The following MCC variants were observed in gnomAD, a reference collection of about 807,000 sequenced individuals.
MCC encodes the protein colorectal mutant cancer protein.
Under a neutral mutation model 116.2 loss-of-function variants are expected in MCC, and 90 were observed. That is an observed-to-expected ratio of 0.77 (90% CI 0.65 to 0.92). The LOEUF is 0.92. Among genes scored for constraint, MCC ranks in the 40% least tolerant of loss-of-function variants. The probability of loss-of-function intolerance (pLI) is 0.00; values close to 1 mark genes in which losing one functional copy is unlikely to be tolerated. For missense variants in MCC, 1,516 were observed against 1,312.2 expected (o/e 1.16, Z -2.40); for synonymous variants, 578 against 510.5 (o/e 1.13, Z -1.78).
chr5:113,094,971 C>G (rs538555801), intron 8 of MCC, among the ~76,000 whole-genome samples: 1 of 152,266 alleles, frequency 6.6e-6, no homozygotes, highest in South Asian at 2.1e-4. Context: ...GGATTCTCTG[C>G]CTTGGATTCC....
At chr5:113,385,884 C>G (rs1028565365) in intron 1 of MCC, among the ~76,000 whole-genome samples, 7 of 151,980 alleles carry the variant, frequency 4.6e-5, no homozygotes, top group African/African-American at 1.7e-4. Flanking sequence ...GTGGATAGAT[C>G]TAAGATAAGA....
chr5:113,195,865 C>G (rs183476132), intron 3 of MCC, among the ~76,000 whole-genome samples: 343 of 152,300 alleles, frequency 2.3e-3, no homozygotes, highest in African/African-American at 7.7e-3. Flanking sequence ...CGCCTCCTCT[C>G]TCTCAGCTCC....
At chr5:113,213,854 G>C (rs535137265) in intron 3 of MCC, among the ~76,000 whole-genome samples, 1 of 152,160 alleles carries the variant, frequency 6.6e-6, no homozygotes, top group African/African-American at 2.4e-5. Flanking sequence ...TACTTTGTCC[G>C]AAAGAGGACA....
intron 1 of MCC, among the ~76,000 whole-genome samples, chr5:113,422,391 T>C (rs1438625410): frequency 1.3e-5 from 2 of 152,212 alleles, no homozygotes; most frequent in African/African-American, 4.8e-5. Context: ...GTTGTTCATG[T>C]AATTTATTTG....
chr5:113,104,430 A>G (rs1756615562), intron 6 of MCC, 75 bp from the exon 7 acceptor site: 1 of 1,364,134 alleles, frequency 7.3e-7, no homozygotes, highest in African/African-American at 1.4e-5. Context: ...TGAGGGACTC[A>G]TTCAGGTAAT....
chr5:113,384,520 A>C (rs996046463), intron 2 of MCC, among the ~76,000 whole-genome samples: 1 of 152,170 alleles, frequency 6.6e-6, no homozygotes, highest in African/African-American at 2.4e-5. Flanking sequence ...CCCGGGAGGC[A>C]GAGGTTGCAG....
intron 3 of MCC, among the ~76,000 whole-genome samples, chr5:113,328,547 G>A (rs1366533737): frequency 6.6e-6 from 1 of 152,152 alleles, no homozygotes; most frequent in Non-Finnish European, 1.5e-5. Context: ...CGGCAATTAG[G>A]ATGAAGTCTC....
At chr5:113,067,503 G>A (rs549781589) in intron 13 of MCC, among the ~76,000 whole-genome samples, 12 of 152,320 alleles carry the variant, frequency 7.9e-5, no homozygotes, top group African/African-American at 2.4e-4. Flanking sequence ...CAGGCGTGGT[G>A]GCATGTGCCT....
chr5:113,366,056 C>T (rs866061514), intron 2 of MCC, among the ~76,000 whole-genome samples: 27 of 152,300 alleles, frequency 1.8e-4, no homozygotes, highest in Non-Finnish European at 3.2e-4. Flanking sequence ...TATTTTACAT[C>T]TCTTTCTTCT....
chr5:113,279,004 C>T (rs1223815539), intron 3 of MCC, among the ~76,000 whole-genome samples: 1 of 151,910 alleles, frequency 6.6e-6, no homozygotes, highest in African/African-American at 2.4e-5. Context: ...TTTTCTATGT[C>T]GTTGGTATAT....
At chr5:113,454,023 T>C (rs898731993) in intron 1 of MCC, among the ~76,000 whole-genome samples, 1 of 152,058 alleles carries the variant, frequency 6.6e-6, no homozygotes, top group Non-Finnish European at 1.5e-5. Flanking sequence ...GGCAGGAGAA[T>C]TGCTTGAACC....
intron 5 of MCC, among the ~76,000 whole-genome samples, chr5:113,125,158 A>G (rs565003535): frequency 3.7e-4 from 57 of 152,340 alleles, no homozygotes; most frequent in African/African-American, 1.3e-3. Flanking sequence ...AAAGGAAAAT[A>G]TATTGCACCG....
At chr5:113,181,765 C>G (rs1761639958) in intron 3 of MCC, among the ~76,000 whole-genome samples, 1 of 152,164 alleles carries the variant, frequency 6.6e-6, no homozygotes, top group Admixed American at 6.5e-5. Context: ...ATATAAAACT[C>G]ACAATTACAA....
At chr5:113,143,141 A>G in intron 5 of MCC, 77 bp downstream of exon 5, 1 of 1,462,348 alleles carries the variant, frequency 6.8e-7, no homozygotes, top group Non-Finnish European at 9.1e-7. Context: ...TGGAGTTAAA[A>G]TAGTTGGGGC....
chr5:113,452,683 A>G (rs1463048075), intron 1 of MCC, among the ~76,000 whole-genome samples: 1 of 152,242 alleles, frequency 6.6e-6, no homozygotes, highest in Non-Finnish European at 1.5e-5. Context: ...TTTGCAGACA[A>G]TCTATTAATG....
rs571376738 is a variant in MCC, at chr5:113,070,966, G to A, written c.1925+128C>T. The A allele has an allele frequency of 1.6e-5, 16 of 971,706 alleles. 1 individual carries two copies. The highest frequency in any genetic ancestry group is 8.2e-5 in the African/African-American group (5 of 60,806). 60.2% of individuals were successfully genotyped at this position (971,706 alleles called of 1,614,324 possible). A position where few individuals can be genotyped will look rare whatever the true frequency, so the allele number is the denominator to read the frequency against. Reference sequence around the variant, plus strand: ...CTCTTAGCTATTTGCTGTCCAAACCGCCAGATATGCCTTGGTCCAAACTGC... The same window carrying A: ...CTCTTAGCTATTTGCTGTCCAAACCACCAGATATGCCTTGGTCCAAACTGC... On this transcript the variant is annotated intron_variant, in intron 12 of 18. Coordinates refer to ENST00000408903, the MANE Select transcript of MCC (RefSeq NM_001085377.2).
In MCC at chr5:113,413,767, C is replaced by T. The variant is rs558414927; in HGVS notation, c.171-28555G>A. Among the ~76,000 whole-genome samples the T allele has an allele frequency of 1.2e-3, 184 of 152,192 alleles. 1 individual carries two copies. The highest frequency in any genetic ancestry group is 4.3e-3 in the African/African-American group (180 of 41,538). On this transcript the variant is annotated intron_variant, in intron 1 of 18. Coordinates refer to ENST00000408903, the MANE Select transcript of MCC (RefSeq NM_001085377.2). ...TTGAAGGGTTTTTTTGTGTCTCTAT[C>T]TCCTTCAGTTCTGCTCTGATCTTAG...
At chr5:113,217,054 G>A (rs762028145) in intron 3 of MCC, among the ~76,000 whole-genome samples, 7 of 152,202 alleles carry the variant, frequency 4.6e-5, no homozygotes, top group Non-Finnish European at 1.0e-4. Flanking sequence ...GGCTAGGGTC[G>A]TCTCAGCTAT....
At chr5:113,214,734 C>T (rs756411544) in intron 3 of MCC, among the ~76,000 whole-genome samples, 36 of 152,182 alleles carry the variant, frequency 2.4e-4, no homozygotes, top group Admixed American at 6.5e-5. Flanking sequence ...TCAACACCCT[C>T]CAAGCCATTT....
Sources: allele counts gnomAD v4.1 joint callset (sites outside exome capture counted in the v4.1 genomes callset), GRCh38; gene constraint gnomAD v4.1.1; transcripts MANE v1.5; gene names NCBI Gene and HGNC (gene_info 2026-07-23, HGNC 2026-07-21).